CADM3: variants seen among roughly 807,000 people sequenced by gnomAD.
The protein encoded by CADM3 is cell adhesion molecule 3, also known as TSLC1-like 1.
Under a neutral mutation model 44.9 loss-of-function variants are expected in CADM3, and 11 were observed. The ratio of observed to expected loss-of-function variants is 0.25; its 90% CI spans 0.15 to 0.41. The LOEUF is 0.41. Ranked by LOEUF, CADM3 falls within the 10% of genes least tolerant of loss-of-function variation. CADM3 has a pLI of 1.00. For synonymous variants in CADM3, 207 were observed against 205.2 expected, an observed-to-expected ratio of 1.01 and a Z score of -0.08; for missense variants, 426 against 512.0, an observed-to-expected ratio of 0.83 and a Z score of 1.62.
At chr1:159,192,178 C>A in intron 2 of CADM3, 102 bp downstream of exon 2, 1 of 1,269,902 alleles carries the variant, frequency 7.9e-7, no homozygotes. Flanking sequence ...GGCTGAGAAA[C>A]ATGGTGGTCT....
chr1:159,192,161 A>C (rs1649694137), intron 2 of CADM3, 85 bp downstream of exon 2: 2 of 1,423,102 alleles, frequency 1.4e-6, no homozygotes, highest in Non-Finnish European at 1.9e-6. Context: ...TGTTCCTGTC[A>C]TCCAGAGGCT....
In CADM3 at chr1:159,200,986, C is replaced by A; in HGVS notation, c.*64C>A. ...TGGGGACTGCTGGGGCCGTCACCAACCCGGACTTGTACAGAGCAACCGCAG... is the reference window on the plus strand; with the variant it reads ...TGGGGACTGCTGGGGCCGTCACCAAACCGGACTTGTACAGAGCAACCGCAG... On this transcript the variant is annotated 3_prime_UTR_variant, in exon 9 of 9. Coordinates refer to ENST00000368125, the MANE Select transcript of CADM3 (RefSeq NM_001127173.3). 7.8e-7 allele frequency: 1 copy of A among 1,277,014 alleles called. No individual in the cohort carries two copies. Among genetic ancestry groups the A allele is most frequent in the South Asian group, 1.4e-5 (1 of 69,866 alleles). 79.1% of individuals were successfully genotyped at this position (1,277,014 alleles called of 1,614,324 possible). A position where few individuals can be genotyped will look rare whatever the true frequency, so the allele number is the denominator to read the frequency against.
intron 4 of CADM3, 113 bp downstream of exon 4, chr1:159,193,673 C>CATATATT (rs1219561657): frequency 2.0e-6 from 3 of 1,507,728 alleles, no homozygotes; most frequent in Non-Finnish European, 2.7e-6. Context: ...AGGGGAATGA[C>CATATATT]ATATATTTTG....
In CADM3 at chr1:159,201,855, C is replaced by G. The variant is rs1384780040; in HGVS notation, c.*933C>G. 6.5e-6 allele frequency: 1 copy of G among 152,742 alleles called. No individual in the cohort carries two copies. The highest frequency in any genetic ancestry group is 1.5e-5 in the Non-Finnish European group (1 of 68,126). The allele number at this position is 152,742 out of a possible 1,614,324, so 9.5% of individuals were successfully genotyped here. A position where few individuals can be genotyped will look rare whatever the true frequency, so the allele number is the denominator to read the frequency against. Reference sequence around the variant, plus strand: ...TCTTACCCAAGACTCTGGATTGTTGCACGGCAACCACTCCTCCCATGGCAT... The same window carrying G: ...TCTTACCCAAGACTCTGGATTGTTGGACGGCAACCACTCCTCCCATGGCAT... On this transcript the variant is annotated 3_prime_UTR_variant, in exon 9 of 9. Coordinates refer to ENST00000368125, the MANE Select transcript of CADM3 (RefSeq NM_001127173.3).
chr1:159,183,446 A>G (rs990666408), intron 1 of CADM3, among the ~76,000 whole-genome samples: 1 of 152,156 alleles, frequency 6.6e-6, no homozygotes, highest in African/African-American at 2.4e-5. Flanking sequence ...AGAGAGAGGA[A>G]ACAAGGAGGA....
intron 8 of CADM3, 94 bp downstream of exon 8, chr1:159,199,970 C>A: frequency 6.9e-7 from 1 of 1,455,310 alleles, no homozygotes; most frequent in Non-Finnish European, 9.4e-7. Context: ...TGGAAAGGGC[C>A]TTCAGAGACT....
chr1:159,177,644 C>T (rs1649075955), intron 1 of CADM3, among the ~76,000 whole-genome samples: 1 of 152,100 alleles, frequency 6.6e-6, no homozygotes, highest in Admixed American at 6.5e-5. Context: ...TGTTCCACCA[C>T]AAACACATGA....
intron 1 of CADM3, among the ~76,000 whole-genome samples, chr1:159,189,391 C>T (rs192877465): frequency 6.6e-6 from 1 of 152,174 alleles, no homozygotes; most frequent in Non-Finnish European, 1.5e-5. Flanking sequence ...AATGAGAAAT[C>T]TTTGGTGGTC....
intron 7 of CADM3, chr1:159,198,192 T>C (rs1649988958): frequency 6.6e-6 from 1 of 152,324 alleles, no homozygotes. Context: ...TACTGCATCT[T>C]CTTCCAGGAA....
chr1:159,196,767 C>T (rs1053873860), intron 6 of CADM3, 124 bp from the exon 7 acceptor site: 90 of 978,224 alleles, frequency 9.2e-5, no homozygotes, highest in Non-Finnish European at 1.0e-4. Context: ...GTGTCTCTGG[C>T]CCCGATAATT....
intron 7 of CADM3, among the ~76,000 whole-genome samples, chr1:159,198,689 A>C (rs1650012520): frequency 6.6e-6 from 1 of 152,062 alleles, no homozygotes; most frequent in African/African-American, 2.4e-5. Flanking sequence ...CATGGGTGGG[A>C]GAGTTATGTC....
chr1:159,189,968 C>G (rs1649583616), intron 1 of CADM3: 3 of 802,144 alleles, frequency 3.7e-6, no homozygotes, highest in East Asian at 5.4e-5. Context: ...CATGTTCTCA[C>G]TCCTCTCATT....
Position 159,193,901 on chromosome 1 carries a change from T to C in CADM3, c.552T>C (p.Asn184=), listed in dbSNP as rs2102126510. ...GEPTRIQEDP[N]GKTFTVSSSV... is the part of the protein sequence containing the mutation. ...CAACCCGCATACAGGAAGATCCCAA[T>C]GGTAAAACCTTCACTGTCAGCAGCT... The change falls in exon 5 of 9, where the codon AAT becomes AAC. Residue 184 remains asparagine (N), a synonymous_variant. Transcript: ENST00000368125. 6.2e-7 allele frequency: 1 copy of C among 1,614,132 alleles called. No homozygotes were observed.
intron 1 of CADM3, among the ~76,000 whole-genome samples, chr1:159,179,539 C>G (rs1233742125): frequency 6.6e-6 from 1 of 152,212 alleles, no homozygotes; most frequent in Non-Finnish European, 1.5e-5. Flanking sequence ...TCTCCCCTTT[C>G]TTCATATACT....
intron 1 of CADM3, among the ~76,000 whole-genome samples, chr1:159,172,220 G>A (rs1218073938): frequency 2.0e-5 from 3 of 152,146 alleles, no homozygotes; most frequent in Non-Finnish European, 4.4e-5. Flanking sequence ...GTGTATGTCT[G>A]TGTCAGTGTG....
At chr1:159,191,833 C>A in intron 1 of CADM3, 103 bp from the exon 2 acceptor site, 1 of 1,396,488 alleles carries the variant, frequency 7.2e-7, no homozygotes, top group Non-Finnish European at 1.0e-6. Context: ...CTTGTGTACA[C>A]AAGGGCCTTG....
chr1:159,198,508 T>TA (rs750242943), intron 7 of CADM3, among the ~76,000 whole-genome samples: 23 of 152,062 alleles, frequency 1.5e-4, no homozygotes, highest in African/African-American at 5.3e-4. Flanking sequence ...AAGCAGGGCA[T>TA]AAAAAACCAG....
chr1:159,200,554 A>T (rs979311913), intron 8 of CADM3, among the ~76,000 whole-genome samples: 6 of 112,382 alleles, frequency 5.3e-5, no homozygotes, highest in South Asian at 2.6e-4. Flanking sequence ...ACACACACAC[A>T]CTTCTCTTTC....
At chr1:159,191,021 T>C (rs1169685189) in intron 1 of CADM3, among the ~76,000 whole-genome samples, 2 of 152,138 alleles carry the variant, frequency 1.3e-5, no homozygotes, top group East Asian at 3.9e-4. Context: ...TCAGAATCCA[T>C]GCTGTGGGGA....
Sources: allele counts gnomAD v4.1 joint callset (sites outside exome capture counted in the v4.1 genomes callset), GRCh38; gene constraint gnomAD v4.1.1; transcripts MANE v1.5; gene names NCBI Gene and HGNC (gene_info 2026-07-23, HGNC 2026-07-21).